Variants in KHDC1 observed in about 807,000 individuals in gnomAD.
KHDC1 encodes KH domain containing 1.
A neutral mutation model predicts 24.7 loss-of-function variants in KHDC1; 21 were observed. The observed-to-expected ratio is 0.85, with a 90% confidence interval of 0.60 to 1.23. The LOEUF is 1.23. KHDC1 is among the 50% of genes most tolerant of loss of function. The probability of loss-of-function intolerance (pLI) is 0.00; values close to 1 mark genes in which losing one functional copy is unlikely to be tolerated. For synonymous variants in KHDC1, 98 were observed against 111.7 expected (o/e 0.88, Z 0.77); for missense variants, 274 against 298.5 (o/e 0.92, Z 0.61).
chr6:73,271,474 T>C (rs1329310277), intron 2 of KHDC1, among the ~76,000 whole-genome samples: 1 of 151,530 alleles, frequency 6.6e-6, no homozygotes, highest in Non-Finnish European at 1.5e-5. Context: ...CCCAAAGTGC[T>C]GGGATTACAG....
At chr6:73,285,367 T>C (rs1238890478) in intron 2 of KHDC1, among the ~76,000 whole-genome samples, 2 of 151,806 alleles carry the variant, frequency 1.3e-5, no homozygotes, top group African/African-American at 4.8e-5. Context: ...AATCCAGCTC[T>C]GTAGCCCAGG....
chr6:73,257,035 G>A (rs1331445918), intron 2 of KHDC1, among the ~76,000 whole-genome samples: 1 of 152,194 alleles, frequency 6.6e-6, no homozygotes, highest in Non-Finnish European at 1.5e-5. Context: ...GCTCAAACCT[G>A]TAATCCTAAC....
intron 1 of KHDC1, among the ~76,000 whole-genome samples, chr6:73,294,005 C>CA (rs111522900): frequency 0.2 from 12,547 of 63,084 alleles, 995 homozygotes; most frequent in Middle Eastern, 0.25. Context: ...GACTCCACCT[C>CA]AAAAAAAAAA....
rs1767004373 is a variant in KHDC1, at chr6:73,262,795, G to C, written c.207-20265C>G. The C allele has an allele frequency of 4.1e-6, 4 of 985,450 alleles. No individual in the cohort carries two copies. The African/African-American group carries it at 7.0e-5, about 17-fold the overall frequency. 61.0% of individuals were successfully genotyped at this position (985,450 alleles called of 1,614,324 possible). ...CCACCAGATAGGATGCTCTCTTGCA[G>C]ACACGCAACTCACTGACTCAACCAA... On this transcript the variant is annotated intron_variant, in intron 2 of 4. Transcript: ENST00000370384.
At chr6:73,247,717 C>G (rs1271538022) in intron 2 of KHDC1, among the ~76,000 whole-genome samples, 1 of 152,002 alleles carries the variant, frequency 6.6e-6, no homozygotes, top group African/African-American at 2.4e-5. Context: ...ATTAGCCGGG[C>G]ATAGTGGCAC....
chr6:73,291,857 C>A (rs951290805), intron 2 of KHDC1: 2 of 880,054 alleles, frequency 2.3e-6, no homozygotes, highest in Admixed American at 2.4e-5. Context: ...GAAGCCCAAA[C>A]CTCACTATTA....
chr6:73,267,638 C>A (rs932831212), intron 2 of KHDC1, among the ~76,000 whole-genome samples: 3 of 152,150 alleles, frequency 2.0e-5, no homozygotes, highest in Non-Finnish European at 4.4e-5. Flanking sequence ...AGAGAATTAC[C>A]TTATGACCCA....
chr6:73,264,210 G>A (rs572760332), intron 2 of KHDC1, among the ~76,000 whole-genome samples: 1 of 152,192 alleles, frequency 6.6e-6, no homozygotes, highest in South Asian at 2.1e-4. Flanking sequence ...GGTCAACTCT[G>A]CCCCCAGGAA....
chr6:73,255,376 G>A (rs536890497), intron 2 of KHDC1, among the ~76,000 whole-genome samples: 9 of 150,752 alleles, frequency 6.0e-5, no homozygotes, highest in African/African-American at 1.5e-4. Context: ...ACGCCACCAC[G>A]CCCAGATAAT....
Position 73,255,905 on chromosome 6 carries a change from A to C in KHDC1, c.207-13375T>G, listed in dbSNP as rs540544816. ...TGACAGAGTGAGAACCTGTCTCAAC[A>C]AAAAAAAAAAAAAAAAAAAGAGGTC... On this transcript the variant is annotated intron_variant, in intron 2 of 4. Transcript: ENST00000370384. Among the ~76,000 whole-genome samples, 56 of 124,726 alleles carry C rather than the reference A, an allele frequency of 4.5e-4. No individual in the cohort carries two copies. The South Asian group carries it at 0.013, about 28-fold the overall frequency. 81.8% of individuals were successfully genotyped at this position (124,726 alleles called of 152,430 possible).
intron 2 of KHDC1, among the ~76,000 whole-genome samples, chr6:73,283,333 T>TC (rs979621892): frequency 2.7e-5 from 4 of 149,610 alleles, no homozygotes; most frequent in African/African-American, 1.0e-4. Flanking sequence ...ACTAGTTTTT[T>TC]TTTTTTAAAA....
chr6:73,242,178 C>G, exon 4 of KHDC1: 2 of 1,614,156 alleles, frequency 1.2e-6, no homozygotes, highest in South Asian at 2.2e-5. Context: ...AACCAACTCT[C>G]CAGCTGAATA....
chr6:73,310,237 C>G (rs1282574833), upstream of KHDC1: 4 of 160,006 alleles, frequency 2.5e-5, no homozygotes, highest in Admixed American at 2.6e-4. Flanking sequence ...TGACCGGCAC[C>G]CGAAGGTGCT....
chr6:73,255,420 C>T (rs1348655162), intron 2 of KHDC1, among the ~76,000 whole-genome samples: 5 of 149,248 alleles, frequency 3.4e-5, no homozygotes, highest in African/African-American at 4.9e-5. Context: ...GGTTTCACCA[C>T]GTTGGCCAGG....
intron 1 of KHDC1, among the ~76,000 whole-genome samples, chr6:73,305,253 T>C (rs12213765): frequency 0.087 from 13,183 of 151,636 alleles, 617 homozygotes; most frequent in African/African-American, 0.092. Context: ...AAAATATATA[T>C]ATAATATAAA....
intron 2 of KHDC1, among the ~76,000 whole-genome samples, chr6:73,258,055 A>C (rs1258841137): frequency 6.6e-6 from 1 of 152,188 alleles, no homozygotes; most frequent in Non-Finnish European, 1.5e-5. Context: ...CAGGAGTTCG[A>C]GACCAGCCTG....
chr6:73,249,551 A>G (rs1766740722), intron 2 of KHDC1, among the ~76,000 whole-genome samples: 1 of 152,166 alleles, frequency 6.6e-6, no homozygotes, highest in South Asian at 2.1e-4. Context: ...AAGGTTTGCA[A>G]GTGTAACACA....
chr6:73,287,736 A>G (rs1767550052), intron 2 of KHDC1, among the ~76,000 whole-genome samples: 1 of 152,230 alleles, frequency 6.6e-6, no homozygotes, highest in Non-Finnish European at 1.5e-5. Flanking sequence ...TGACAATGAT[A>G]CATGTAGATT....
intron 2 of KHDC1, among the ~76,000 whole-genome samples, chr6:73,248,302 C>T (rs1766709474): frequency 2.6e-5 from 4 of 151,666 alleles, no homozygotes; most frequent in Admixed American, 2.0e-4. Context: ...CTTCCTGCTC[C>T]CTCTTCCCTT....
Sources: allele counts gnomAD v4.1 joint callset (sites outside exome capture counted in the v4.1 genomes callset), GRCh38; gene constraint gnomAD v4.1.1; transcripts MANE v1.5; gene names NCBI Gene and HGNC (gene_info 2026-07-23, HGNC 2026-07-21).